RAB38: variants seen among roughly 807,000 people sequenced by gnomAD.
RAB38 encodes RAB38, member RAS oncogene family.
A neutral mutation model predicts 18.4 loss-of-function variants in RAB38; 15 were observed. The observed-to-expected ratio is 0.82, with a 90% CI of 0.55 to 1.26. RAB38 has a LOEUF of 1.26. RAB38 is among the 50% of genes most tolerant of loss of function. RAB38 has a pLI of 0.00. For missense variants in RAB38, 294 were observed against 267.4 expected (o/e 1.10, Z -0.69); for synonymous variants, 101 against 104.4 (o/e 0.97, Z 0.20).
chr11:88,093,928 C>G, the RAB38 span, among the ~76,000 whole-genome samples: 1 of 151,976 alleles, frequency 6.6e-6, no homozygotes, highest in African/African-American at 2.4e-5. Flanking sequence ...CGAAAGGGCT[C>G]CTTGCTAACT....
At chr11:87,914,815 T>C in the RAB38 span, among the ~76,000 whole-genome samples, 85 of 152,324 alleles carry the variant, frequency 5.6e-4, no homozygotes, top group East Asian at 0.013. Flanking sequence ...TCCTAGCTGC[T>C]CTGGCTGAAG....
At chr11:88,135,983 C>A (rs983075278) in intron 2 of RAB38, among the ~76,000 whole-genome samples, 1 of 152,178 alleles carries the variant, frequency 6.6e-6, no homozygotes, top group African/African-American at 2.4e-5. Flanking sequence ...CTTCTTTCCT[C>A]CGGAGCAAGC....
At chr11:87,844,139 T>G in the RAB38 span, among the ~76,000 whole-genome samples, 6 of 152,156 alleles carry the variant, frequency 3.9e-5, no homozygotes, top group African/African-American at 1.2e-4. Flanking sequence ...CTCTGTAGTT[T>G]AAAAAAACCA....
At chr11:88,042,261 C>T in the RAB38 span, among the ~76,000 whole-genome samples, 7 of 152,132 alleles carry the variant, frequency 4.6e-5, no homozygotes, top group African/African-American at 1.7e-4. Context: ...GGGAGATAGC[C>T]CCCACCTCTC....
the RAB38 span, among the ~76,000 whole-genome samples, chr11:88,095,621 C>T: frequency 3.3e-5 from 5 of 151,922 alleles, no homozygotes; most frequent in Non-Finnish European, 5.9e-5. Flanking sequence ...TTATCCATAA[C>T]TTTAAATACT....
intron 1 of RAB38, among the ~76,000 whole-genome samples, chr11:88,165,027 T>C (rs1227679027): frequency 6.6e-6 from 1 of 152,074 alleles, no homozygotes; most frequent in South Asian, 2.1e-4. Flanking sequence ...AAACCAACCA[T>C]ATGGTGTCAG....
rs567907876 is a variant in RAB38, at chr11:88,166,574, T to G, written c.202+8609A>C. On this transcript the variant is annotated intron_variant, in intron 1 of 2. Transcript: ENST00000243662. Reference sequence around the variant, plus strand: ...TGATGAGTACTCAGGGTTTTAATTCTGTAAAATTACCTTTCACGAAGTTAT... The same window carrying G: ...TGATGAGTACTCAGGGTTTTAATTCGGTAAAATTACCTTTCACGAAGTTAT... 98 of 152,242 alleles carry G rather than the reference T, an allele frequency of 6.4e-4. 1 individual carries two copies. The highest frequency in any genetic ancestry group is 2.2e-3 in the African/African-American group (90 of 41,560). 9.4% of individuals were successfully genotyped at this position (152,242 alleles called of 1,614,324 possible).
the RAB38 span, among the ~76,000 whole-genome samples, chr11:87,928,312 T>A: frequency 6.6e-6 from 1 of 152,034 alleles, no homozygotes. Context: ...AGATGAGTTA[T>A]ATAAAATGAA....
chr11:87,942,509 A>G, the RAB38 span, among the ~76,000 whole-genome samples: 2 of 152,170 alleles, frequency 1.3e-5, no homozygotes, highest in African/African-American at 4.8e-5. Flanking sequence ...TCTCATGCTC[A>G]CCTTAGTTCA....
intron 2 of RAB38, among the ~76,000 whole-genome samples, chr11:88,121,683 C>T (rs1371488126): frequency 6.6e-6 from 1 of 152,186 alleles, no homozygotes; most frequent in East Asian, 1.9e-4. Context: ...CTGACTCAGC[C>T]TCCTGAGTAG....
chr11:88,083,107 C>T, the RAB38 span, among the ~76,000 whole-genome samples: 1 of 151,816 alleles, frequency 6.6e-6, no homozygotes, highest in Admixed American at 6.6e-5. Context: ...AGCTATTCTT[C>T]TAGATAGATG....
chr11:87,902,884 C>T, the RAB38 span, among the ~76,000 whole-genome samples: 3 of 149,962 alleles, frequency 2.0e-5, no homozygotes, highest in Non-Finnish European at 4.5e-5. Flanking sequence ...TATGTATGTG[C>T]ATATATATGC....
At chr11:87,947,734 C>A in the RAB38 span, among the ~76,000 whole-genome samples, 3 of 152,094 alleles carry the variant, frequency 2.0e-5, no homozygotes, top group Non-Finnish European at 4.4e-5. Flanking sequence ...CTGTTCTGTT[C>A]CATTGGTCTA....
At chr11:88,132,035 G>A (rs976819976) in intron 2 of RAB38, among the ~76,000 whole-genome samples, 2 of 152,182 alleles carry the variant, frequency 1.3e-5, no homozygotes, top group Non-Finnish European at 2.9e-5. Context: ...ACCTGAATGA[G>A]CATAGAAGAG....
the RAB38 span, among the ~76,000 whole-genome samples, chr11:87,938,882 T>C: frequency 3.3e-5 from 5 of 151,980 alleles, no homozygotes; most frequent in African/African-American, 1.2e-4. Flanking sequence ...ACTATATTTA[T>C]TTTATATAAA....
chr11:88,147,726 A>G (rs921956304), intron 2 of RAB38, among the ~76,000 whole-genome samples: 1 of 151,974 alleles, frequency 6.6e-6, no homozygotes, highest in African/African-American at 2.4e-5. Flanking sequence ...CCACATCTCT[A>G]CTAAAAATAC....
At chr11:88,018,343 T>A in the RAB38 span, among the ~76,000 whole-genome samples, 1 of 152,150 alleles carries the variant, frequency 6.6e-6, no homozygotes, top group Admixed American at 6.6e-5. Flanking sequence ...TCCACCCTTT[T>A]CCCACATCAT....
At chr11:88,053,047 T>C in the RAB38 span, among the ~76,000 whole-genome samples, 3 of 130,336 alleles carry the variant, frequency 2.3e-5, no homozygotes, top group African/African-American at 8.6e-5. Context: ...TATATACATA[T>C]ATGGAATATA....
the RAB38 span, among the ~76,000 whole-genome samples, chr11:87,904,531 T>G: frequency 6.6e-6 from 1 of 151,770 alleles, no homozygotes; most frequent in African/African-American, 2.4e-5. Flanking sequence ...TTTGCCACTA[T>G]GAATAGTATT....
Sources: gnomAD v4.1 joint callset for allele counts (sites outside exome capture counted in the v4.1 genomes callset) on GRCh38, gnomAD v4.1.1 for gene constraint, MANE v1.5 for transcripts, NCBI Gene and HGNC (gene_info 2026-07-23, HGNC 2026-07-21) for gene names.